The following C12orf42 variants were observed in gnomAD, a reference collection of about 807,000 sequenced individuals.
The protein encoded by C12orf42 is uncharacterized protein C12orf42.
A neutral mutation model predicts 21.6 loss-of-function variants in C12orf42; 25 were observed. That is an observed-to-expected ratio of 1.16 (90% CI 0.84 to 1.62). C12orf42 has a LOEUF of 1.62. Among genes scored for constraint, C12orf42 ranks in the 40% most tolerant of loss-of-function variants. The probability of loss-of-function intolerance (pLI) is 0.00; values close to 1 mark genes in which losing one functional copy is unlikely to be tolerated. For missense variants in C12orf42, 483 were observed against 459.3 expected (o/e 1.05, Z -0.47); for synonymous variants, 174 against 175.0 (o/e 0.99, Z 0.05).
intron 4 of C12orf42, among the ~76,000 whole-genome samples, chr12:103,355,497 G>A (rs2043464477): frequency 6.6e-6 from 1 of 152,076 alleles, no homozygotes; most frequent in African/African-American, 2.4e-5. Flanking sequence ...TCTGCTTGTT[G>A]ACCATCCAGG....
the C12orf42 span, among the ~76,000 whole-genome samples, chr12:103,065,300 G>T: frequency 1.3e-5 from 2 of 152,226 alleles, no homozygotes; most frequent in African/African-American, 2.4e-5. Context: ...TGCTGTGCCA[G>T]ATGTGGTTTC....
At chr12:103,243,880 C>A (rs2033880435) in intron 10 of C12orf42, among the ~76,000 whole-genome samples, 1 of 152,122 alleles carries the variant, frequency 6.6e-6, no homozygotes, top group African/African-American at 2.4e-5. Context: ...TCCTTTAGGG[C>A]AGAGGCTCTC....
At chr12:103,396,693 C>G (rs1388077607) in intron 3 of C12orf42, 1 of 152,142 alleles carries the variant, frequency 6.6e-6, no homozygotes, top group African/African-American at 2.4e-5. Context: ...GCAAGTGGGG[C>G]TCAGGACCTG....
intron 2 of C12orf42, among the ~76,000 whole-genome samples, chr12:103,419,500 C>T (rs947321482): frequency 5.9e-5 from 9 of 151,984 alleles, no homozygotes; most frequent in South Asian, 2.1e-4. Flanking sequence ...AAGTCCTTCA[C>T]CTCCCCAGGG....
chr12:103,166,961 C>G, the C12orf42 span, among the ~76,000 whole-genome samples: 1 of 152,168 alleles, frequency 6.6e-6, no homozygotes, highest in Non-Finnish European at 1.5e-5. Flanking sequence ...TCTAAAACAT[C>G]TACCTGACAA....
At chr12:103,205,842 T>C in the C12orf42 span, among the ~76,000 whole-genome samples, 2 of 152,176 alleles carry the variant, frequency 1.3e-5, no homozygotes, top group Non-Finnish European at 2.9e-5. Flanking sequence ...AAAAATACAA[T>C]GTTGAGTAAA....
At chr12:103,488,591 TCAAA>T (rs1954990750) in intron 1 of C12orf42, among the ~76,000 whole-genome samples, 1 of 152,230 alleles carries the variant, frequency 6.6e-6, no homozygotes, top group Non-Finnish European at 1.5e-5. Flanking sequence ...CGTACACCAA[TCAAA>T]CATAGATTTG....
intron 10 of C12orf42, among the ~76,000 whole-genome samples, chr12:103,255,622 G>A (rs1353981380): frequency 1.3e-5 from 2 of 151,382 alleles, no homozygotes; most frequent in African/African-American, 2.4e-5. Flanking sequence ...ATTACTTATC[G>A]TTTGTTTTAA....
intron 10 of C12orf42, among the ~76,000 whole-genome samples, chr12:103,259,165 A>T (rs2034765544): frequency 6.6e-6 from 1 of 152,184 alleles, no homozygotes; most frequent in Non-Finnish European, 1.5e-5. Context: ...ATTTTAGTAG[A>T]TTTTGTTTTA....
chr12:103,073,243 G>C, the C12orf42 span, among the ~76,000 whole-genome samples: 9 of 152,044 alleles, frequency 5.9e-5, no homozygotes, highest in Non-Finnish European at 1.3e-4. Flanking sequence ...CTTAATGCCT[G>C]GGTGATGAAA....
chr12:103,319,340 A>G (rs2039847969), intron 4 of C12orf42, among the ~76,000 whole-genome samples: 1 of 152,222 alleles, frequency 6.6e-6, no homozygotes, highest in Non-Finnish European at 1.5e-5. Context: ...AATTAAGGAG[A>G]AGAGTGGGGA....
At chr12:103,527,519 T>C in the C12orf42 span, among the ~76,000 whole-genome samples, 4 of 152,314 alleles carry the variant, frequency 2.6e-5, no homozygotes, top group Non-Finnish European at 5.9e-5. Flanking sequence ...TTCTGACATA[T>C]TGTTGATGAG....
At chr12:103,138,509 T>C in the C12orf42 span, among the ~76,000 whole-genome samples, 2 of 152,330 alleles carry the variant, frequency 1.3e-5, no homozygotes, top group Non-Finnish European at 2.9e-5. Context: ...GTTTCTTCTA[T>C]AGTCTGTGGA....
intron 3 of C12orf42, among the ~76,000 whole-genome samples, chr12:103,372,800 C>T (rs1411531536): frequency 2.0e-5 from 3 of 152,118 alleles, no homozygotes; most frequent in African/African-American, 7.2e-5. Context: ...ATTGGTCAGC[C>T]CAGTGCCTAG....
At chr12:103,258,166 G>A (rs1449650459) in intron 10 of C12orf42, among the ~76,000 whole-genome samples, 8 of 151,994 alleles carry the variant, frequency 5.3e-5, no homozygotes, top group African/African-American at 1.9e-4. Context: ...AGACTACATG[G>A]AATATTATCC....
chr12:103,078,031 A>C, the C12orf42 span, among the ~76,000 whole-genome samples: 1 of 152,220 alleles, frequency 6.6e-6, no homozygotes, highest in African/African-American at 2.4e-5. Flanking sequence ...CACTGGATTA[A>C]GGCCAAAAAA....
chr12:103,188,997 T>A, the C12orf42 span, among the ~76,000 whole-genome samples: 3 of 152,246 alleles, frequency 2.0e-5, no homozygotes, highest in African/African-American at 4.8e-5. Context: ...AATATCACTT[T>A]AGCATTTGAG....
At chr12:103,326,219 T>C (rs1317263526) in intron 4 of C12orf42, among the ~76,000 whole-genome samples, 1 of 152,182 alleles carries the variant, frequency 6.6e-6, no homozygotes, top group East Asian at 1.9e-4. Context: ...AGAACCAATA[T>C]TCTTTCACCA....
intron 10 of C12orf42, among the ~76,000 whole-genome samples, chr12:103,248,530 G>A (rs760683916): frequency 6.6e-5 from 10 of 151,898 alleles, no homozygotes; most frequent in African/African-American, 9.7e-5. Context: ...TTCAAATGTC[G>A]TTAAACATAT....
Sources: allele counts gnomAD v4.1 joint callset (sites outside exome capture counted in the v4.1 genomes callset), GRCh38; gene constraint gnomAD v4.1.1; transcripts MANE v1.5; gene names NCBI Gene and HGNC (gene_info 2026-07-23, HGNC 2026-07-21).